GOLIM4: variants seen among roughly 807,000 people sequenced by gnomAD.
GOLIM4 encodes the protein 130 kDa golgi-localized phosphoprotein.
A neutral mutation model predicts 107.4 loss-of-function variants in GOLIM4; 71 were observed. The ratio of observed to expected loss-of-function variants is 0.66; its 90% CI spans 0.55 to 0.81. GOLIM4 has a LOEUF of 0.81. Among genes scored for constraint, GOLIM4 ranks in the 30% least tolerant of loss-of-function variants. The pLI is 0.00. For missense variants in GOLIM4, 830 were observed against 826.1 expected (o/e 1.00, Z -0.06); for synonymous variants, 327 against 294.8 (o/e 1.11, Z -1.12).
In GOLIM4 at chr3:168,036,971, T is replaced by C; in HGVS notation, c.708A>G (p.Gln236=). The part of the protein sequence containing the change: ...AAQTQVAEYK[Q]LKDTLNRIPS... ...GAATCCTATTCAGAGTATCTTTCAG[T>C]TGTTTATATTCTGCAACTTGAGTCT... Residue 236 remains glutamine, a synonymous_variant, in exon 8 of 16, where the codon CAA becomes CAG. Transcript: ENST00000470487. 5 of 1,590,674 alleles carry C rather than the reference T, an allele frequency of 3.1e-6. No individual in the cohort carries two copies. The highest frequency in any genetic ancestry group is 4.3e-6 in the Non-Finnish European group (5 of 1,167,544).
rs1427925011 is a variant in GOLIM4 at position 168,029,993 on chromosome 3, T to C, written c.1220A>G (p.Tyr407Cys). 1.9e-6 allele frequency: 3 copies of C among 1,614,068 alleles called. No individual in the cohort carries two copies. The highest frequency in any genetic ancestry group is 1.1e-5 in the South Asian group (1 of 91,078). ...AKPMIKFQSPYEEQLEQQRLA... is the reference protein window; with the variant it reads ...AKPMIKFQSPCEEQLEQQRLA... Reference sequence around the variant, plus strand: ...TCTCTGCTGTTCCAACTGTTCCTCATAGGGTGATTGGAATTTGATCATTGG... The same window carrying C: ...TCTCTGCTGTTCCAACTGTTCCTCACAGGGTGATTGGAATTTGATCATTGG... The change falls in exon 10 of 16, where the codon TAT (tyrosine) becomes TGT (cysteine). Residue 407 changes from tyrosine to cysteine, a missense_variant. Coordinates refer to ENST00000470487, the MANE Select transcript of GOLIM4 (RefSeq NM_014498.5).
intron 8 of GOLIM4, among the ~76,000 whole-genome samples, chr3:168,036,562 T>C (rs949709997): frequency 3.3e-5 from 5 of 151,928 alleles, no homozygotes; most frequent in Non-Finnish European, 7.4e-5. Flanking sequence ...AGAAAGAAAA[T>C]ACTAGCAGCA....
intron 14 of GOLIM4, among the ~76,000 whole-genome samples, chr3:168,021,900 T>A (rs1341107529): frequency 2.6e-5 from 4 of 152,206 alleles, no homozygotes; most frequent in African/African-American, 9.7e-5. Context: ...GTAAGTAATT[T>A]TAAAGCTTAC....
intron 1 of GOLIM4, among the ~76,000 whole-genome samples, chr3:168,071,675 G>C (rs1232893539): frequency 2.6e-5 from 4 of 151,424 alleles, no homozygotes. Flanking sequence ...GACTAAAAGA[G>C]AATGCCGACT....
At chr3:168,037,363 C>A (rs1416196852) in intron 7 of GOLIM4, among the ~76,000 whole-genome samples, 1 of 152,016 alleles carries the variant, frequency 6.6e-6, no homozygotes, top group African/African-American at 2.4e-5. Context: ...TATAAAAATA[C>A]AAGTGCAAAT....
chr3:168,016,721 T>C (rs567038709), intron 14 of GOLIM4, among the ~76,000 whole-genome samples: 2 of 120,934 alleles, frequency 1.7e-5, no homozygotes, highest in Admixed American at 1.6e-4. Flanking sequence ...CATAAAAAAG[T>C]ATGAGTTCAT....
At chr3:168,086,976 C>G (rs1344691379) in intron 1 of GOLIM4, among the ~76,000 whole-genome samples, 2 of 152,106 alleles carry the variant, frequency 1.3e-5, no homozygotes, top group African/African-American at 4.8e-5. Context: ...CTTAAGCTAC[C>G]TGGTAAGTGA....
At position 168,011,449 on chromosome 3, in the gene GOLIM4, C is replaced by T. The variant is rs186518734; in HGVS notation, c.1861-626G>A. Among the ~76,000 whole-genome samples, 15 of 152,110 alleles carry T rather than the reference C, an allele frequency of 9.9e-5. No homozygotes were observed. In the East Asian group the frequency reaches 1.5e-3, roughly 16 times the overall value. ...AGCAGTCTGAGATCAAACTGCAAGGCGGCAGCAAGGCTGGGGGAGGGGCGC... is the reference window on the plus strand; with the variant it reads ...AGCAGTCTGAGATCAAACTGCAAGGTGGCAGCAAGGCTGGGGGAGGGGCGC... On this transcript the variant is annotated intron_variant, in intron 14 of 15. Transcript: ENST00000470487.
intron 1 of GOLIM4, among the ~76,000 whole-genome samples, chr3:168,084,200 T>C (rs1458302243): frequency 6.6e-6 from 1 of 152,124 alleles, no homozygotes; most frequent in Non-Finnish European, 1.5e-5. Context: ...TCCACCAGAG[T>C]AAGACATGCT....
At chr3:168,064,937 C>T (rs1410444406) in intron 1 of GOLIM4, among the ~76,000 whole-genome samples, 1 of 149,700 alleles carries the variant, frequency 6.7e-6, no homozygotes, top group Non-Finnish European at 1.5e-5. Context: ...TTAAATAGGA[C>T]TGAGATGGTT....
chr3:168,047,648 T>C (rs1438918260), intron 2 of GOLIM4, among the ~76,000 whole-genome samples: 1 of 152,168 alleles, frequency 6.6e-6, no homozygotes, highest in Non-Finnish European at 1.5e-5. Flanking sequence ...AGATTTATCA[T>C]AAAACATGAA....
chr3:168,094,905 A>C (rs953211850), intron 1 of GOLIM4, among the ~76,000 whole-genome samples, 194 bp downstream of exon 1: 1 of 152,156 alleles, frequency 6.6e-6, no homozygotes, highest in Non-Finnish European at 1.5e-5. Flanking sequence ...CGCTGGGAGG[A>C]AGAAGCGGGA....
rs1718686093 is a variant in GOLIM4, at chr3:168,036,970, G to T, written c.709C>A (p.Leu237Met). The change falls in exon 8 of 16, where the codon CTG (leucine) becomes ATG (methionine). Residue 237 changes from leucine to methionine, a missense_variant. Transcript: ENST00000470487. ...GGAATCCTATTCAGAGTATCTTTCA[G>T]TTGTTTATATTCTGCAACTTGAGTC... ...AQTQVAEYKQ[L>M]KDTLNRIPSL... is the part of the protein sequence containing the mutation. 1 of 1,613,246 alleles carries T rather than the reference G, an allele frequency of 6.2e-7. No homozygotes were observed. Among genetic ancestry groups the T allele is most frequent in the African/African-American group, 1.3e-5 (1 of 74,892 alleles).
chr3:168,065,825 G>A (rs1436987224), intron 1 of GOLIM4, among the ~76,000 whole-genome samples: 1 of 152,292 alleles, frequency 6.6e-6, no homozygotes, highest in African/African-American at 2.4e-5. Context: ...ACTGGCCAGA[G>A]GCAAGGGGTC....
rs150862007 is a variant in GOLIM4 at position 168,032,560 on chromosome 3, C to T, written c.1136G>A (p.Arg379Gln). The T allele has an allele frequency of 1.7e-4, 275 of 1,613,966 alleles. No individual in the cohort carries two copies. The highest frequency in any genetic ancestry group is 2.2e-4 in the Non-Finnish European group (256 of 1,180,026). Residue 379 changes from arginine (R) to glutamine (Q), a missense_variant, in exon 9 of 16, where the codon CGA (arginine) becomes CAA (glutamine). Transcript: ENST00000470487. Reference protein sequence around the residue: ...DREWKEQHEQREAANLLEGHA... With the variant: ...DREWKEQHEQQEAANLLEGHA... ...CCCTTCCAGGAGGTTGGCTGCTTCT[C>T]GTTGCTCATGCTGCTCTTTCCACTC...
chr3:168,087,386 T>C (rs1721681683), intron 1 of GOLIM4, among the ~76,000 whole-genome samples: 1 of 152,124 alleles, frequency 6.6e-6, no homozygotes, highest in African/African-American at 2.4e-5. Flanking sequence ...AGGAGAGAGA[T>C]TCTAGCATCA....
intron 1 of GOLIM4, among the ~76,000 whole-genome samples, chr3:168,061,232 A>G (rs532851145): frequency 9.2e-5 from 14 of 152,316 alleles, no homozygotes; most frequent in Admixed American, 2.6e-4. Flanking sequence ...GCTCAACTAA[A>G]TTAGTTATCA....
At chr3:168,060,100 G>GTTTTTTT (rs111922454) in intron 1 of GOLIM4, among the ~76,000 whole-genome samples, 5 of 145,668 alleles carry the variant, frequency 3.4e-5, no homozygotes, top group Non-Finnish European at 3.0e-5. Context: ...CCATTAGAGA[G>GTTTTTTT]TTTTTTTTTT....
intron 10 of GOLIM4, among the ~76,000 whole-genome samples, 187 bp downstream of exon 10, chr3:168,029,593 G>GA (rs1465120783): frequency 2.0e-5 from 3 of 151,974 alleles, no homozygotes; most frequent in South Asian, 2.1e-4. Context: ...CTTTTGAGCA[G>GA]AAAAAAAATA....
Sources: allele counts gnomAD v4.1 joint callset (sites outside exome capture counted in the v4.1 genomes callset), GRCh38; gene constraint gnomAD v4.1.1; transcripts MANE v1.5; gene names NCBI Gene and HGNC (gene_info 2026-07-23, HGNC 2026-07-21).